PPFIA1: variants seen among roughly 807,000 people sequenced by gnomAD.
PPFIA1 encodes the protein liprin-alpha-1.
Under a neutral mutation model 149.9 loss-of-function variants are expected in PPFIA1, and 25 were observed. The observed-to-expected ratio is 0.17, with a 90% confidence interval of 0.12 to 0.23. PPFIA1 has a LOEUF of 0.23. Among genes scored for constraint, PPFIA1 ranks in the 10% least tolerant of loss-of-function variants. The pLI is 1.00. For synonymous variants in PPFIA1, 549 were observed against 552.8 expected (o/e 0.99, Z 0.10); for missense variants, 1,362 against 1,506.5 (o/e 0.90, Z 1.59).
intron 2 of PPFIA1, among the ~76,000 whole-genome samples, chr11:70,284,652 A>C (rs1014114511): frequency 1.3e-5 from 2 of 152,212 alleles, no homozygotes; most frequent in African/African-American, 4.8e-5. Flanking sequence ...GTGGTCCAGA[A>C]AGGTGAGGCT....
At chr11:70,325,669 C>T (rs975962403) in intron 5 of PPFIA1, 95 bp downstream of exon 5, 6 of 971,810 alleles carry the variant, frequency 6.2e-6, no homozygotes, top group African/African-American at 3.3e-5. Flanking sequence ...TGGTGGCTCA[C>T]ACCTGTCATC....
At chr11:70,366,011 G>A (rs1382412251) in intron 21 of PPFIA1, 1 of 447,710 alleles carries the variant, frequency 2.2e-6, no homozygotes. Flanking sequence ...ATGTACAGCA[G>A]CAAAAAGCAA....
chr11:70,367,838 A>T (rs1220065524), intron 21 of PPFIA1, among the ~76,000 whole-genome samples: 1 of 152,210 alleles, frequency 6.6e-6, no homozygotes, highest in Non-Finnish European at 1.5e-5. Context: ...TATCCCTGCT[A>T]CATGTATCAG....
intron 2 of PPFIA1, among the ~76,000 whole-genome samples, chr11:70,320,561 T>C (rs2053877698): frequency 6.6e-6 from 1 of 151,572 alleles, no homozygotes; most frequent in African/African-American, 2.4e-5. Flanking sequence ...GCCGGGTCTA[T>C]GCTACTGGGT....
At chr11:70,358,222 T>G (rs56368190) in intron 19 of PPFIA1, 27,085 of 152,098 alleles carry the variant, frequency 0.18, 3,165 homozygotes, top group African/African-American at 0.32. Flanking sequence ...GTGCTTTATT[T>G]ATTGATTGAT....
intron 7 of PPFIA1, chr11:70,327,336 A>G (rs1433567512): frequency 6.5e-6 from 1 of 153,748 alleles, no homozygotes; most frequent in African/African-American, 2.4e-5. Flanking sequence ...CCTTCAAGGA[A>G]TTTGTGGCGT....
intron 21 of PPFIA1, among the ~76,000 whole-genome samples, chr11:70,363,701 A>C (rs1468090411): frequency 6.6e-6 from 1 of 151,792 alleles, no homozygotes; most frequent in Non-Finnish European, 1.5e-5. Context: ...CTTCTTAGAG[A>C]CAGGGTCTTG....
chr11:70,361,976 G>A (rs2056676824), intron 19 of PPFIA1, 119 bp from the exon 20 acceptor site: 2 of 883,122 alleles, frequency 2.3e-6, no homozygotes, highest in Admixed American at 2.0e-5. Context: ...GTCTAGGCTG[G>A]TCTTGAACTC....
chr11:70,379,529 C>T (rs1451418780), intron 26 of PPFIA1, among the ~76,000 whole-genome samples: 1 of 151,400 alleles, frequency 6.6e-6, no homozygotes. Flanking sequence ...GTAATCCTAG[C>T]ACTTTGATAG....
At chr11:70,304,162 A>C (rs2052686963) in intron 2 of PPFIA1, among the ~76,000 whole-genome samples, 1 of 152,192 alleles carries the variant, frequency 6.6e-6, no homozygotes, top group Non-Finnish European at 1.5e-5. Context: ...CCTATGTAAC[A>C]AAGCCTAAAA....
At chr11:70,368,269 T>A (rs1451257425) in intron 21 of PPFIA1, among the ~76,000 whole-genome samples, 1 of 152,234 alleles carries the variant, frequency 6.6e-6, no homozygotes, top group Non-Finnish European at 1.5e-5. Context: ...GAGAAGGTAG[T>A]GAAGCATTTT....
intron 10 of PPFIA1, chr11:70,334,375 A>G (rs569454037): frequency 6.6e-6 from 1 of 152,282 alleles, no homozygotes; most frequent in African/African-American, 2.4e-5. Flanking sequence ...ATTCTTGGCC[A>G]TGCCCTGCAG....
chr11:70,296,488 C>T (rs1454588619), intron 2 of PPFIA1, among the ~76,000 whole-genome samples: 4 of 152,088 alleles, frequency 2.6e-5, no homozygotes, highest in South Asian at 2.1e-4. Flanking sequence ...GAGGCCAGCC[C>T]GGCCAACACA....
At chr11:70,326,920 ACTT>A in intron 7 of PPFIA1, 102 bp downstream of exon 7, 1 of 941,820 alleles carries the variant, frequency 1.1e-6, no homozygotes, top group East Asian at 2.5e-5. Flanking sequence ...TCTCCCAATT[ACTT>A]TCAACCTTTG....
chr11:70,318,710 C>T (rs1245162548), intron 2 of PPFIA1, among the ~76,000 whole-genome samples: 1 of 152,266 alleles, frequency 6.6e-6, no homozygotes, highest in East Asian at 1.9e-4. Context: ...GCAGATGTCA[C>T]AGTCACCATC....
chr11:70,279,076 T>C (rs1186766716), intron 2 of PPFIA1: 4 of 508,486 alleles, frequency 7.9e-6, no homozygotes, highest in Non-Finnish European at 1.5e-5. Flanking sequence ...GTGAAGTCTT[T>C]TGACGCATTT....
chr11:70,380,735 C>CA (rs113647001), intron 26 of PPFIA1, among the ~76,000 whole-genome samples: 3,049 of 104,066 alleles, frequency 0.029, 47 homozygotes, highest in East Asian at 0.076. Context: ...AACTCTGTCT[C>CA]AAAAAAAAAA....
intron 16 of PPFIA1, among the ~76,000 whole-genome samples, chr11:70,353,419 T>C (rs541117552): frequency 1.1e-4 from 16 of 152,314 alleles, no homozygotes; most frequent in Admixed American, 9.1e-4. Flanking sequence ...ACTGTTCAAG[T>C]CTTGCTGTTT....
At chr11:70,282,768 A>G (rs56770826) in intron 2 of PPFIA1, among the ~76,000 whole-genome samples, 32,353 of 148,336 alleles carry the variant, frequency 0.22, 5,375 homozygotes, top group African/African-American at 0.46. Context: ...TCCTGACCTC[A>G]TGATCCACTG....
Sources: allele counts gnomAD v4.1 joint callset (sites outside exome capture counted in the v4.1 genomes callset), GRCh38; gene constraint gnomAD v4.1.1; transcripts MANE v1.5; gene names NCBI Gene and HGNC (gene_info 2026-07-23, HGNC 2026-07-21).